The following ZNF516 variants were observed in gnomAD, a reference collection of about 807,000 sequenced individuals.
The protein encoded by ZNF516 is zinc finger protein 516.
A neutral mutation model predicts 79.7 loss-of-function variants in ZNF516; 19 were observed. The ratio of observed to expected loss-of-function variants is 0.24; its 90% CI spans 0.17 to 0.35. ZNF516 has a LOEUF of 0.35. ZNF516 is among the 10% of genes least tolerant of loss of function. The pLI is 1.00. For synonymous variants in ZNF516, 877 were observed against 739.5 expected, an observed-to-expected ratio of 1.19 and a Z score of -3.02; for missense variants, 1,678 against 1,679.5, an observed-to-expected ratio of 1.00 and a Z score of 0.02.
intron 1 of ZNF516, among the ~76,000 whole-genome samples, chr18:76,468,049 C>G (rs991089102): frequency 6.6e-6 from 1 of 152,208 alleles, no homozygotes; most frequent in Non-Finnish European, 1.5e-5. Flanking sequence ...CCCCAGCCAG[C>G]CCGTGCCTAT....
At chr18:76,471,650 C>A (rs73479079) in intron 1 of ZNF516, among the ~76,000 whole-genome samples, 5,349 of 152,296 alleles carry the variant, frequency 0.035, 314 homozygotes, top group African/African-American at 0.12. Context: ...GTCGGGGCCT[C>A]ACTAGATCCC....
intron 3 of ZNF516, among the ~76,000 whole-genome samples, chr18:76,390,316 A>C (rs887611928): frequency 6.6e-6 from 1 of 152,218 alleles, no homozygotes; most frequent in African/African-American, 2.4e-5. Context: ...CGAGCCATGT[A>C]TGTCTGTAAT....
chr18:76,424,384 C>G (rs1257899811), intron 3 of ZNF516, among the ~76,000 whole-genome samples: 2 of 62,592 alleles, frequency 3.2e-5, no homozygotes, highest in Admixed American at 3.4e-4. Flanking sequence ...TGAAAGGGTC[C>G]CCCCCGAAAC....
chr18:76,425,990 C>T (rs1038019583), intron 3 of ZNF516, among the ~76,000 whole-genome samples: 2 of 152,230 alleles, frequency 1.3e-5, no homozygotes, highest in African/African-American at 4.8e-5. Context: ...CATAAGACTG[C>T]CTTCATGTTG....
In ZNF516 at chr18:76,403,137, T is replaced by C. The variant is rs374645184; in HGVS notation, c.1811-22834A>G. ...TTCTCTGTAATTACCCATGTTTATC[T>C]ACCCTGCGTTTACTATACATAGGAA... On this transcript the variant is annotated intron_variant, in intron 3 of 6. Transcript: ENST00000443185. Among the ~76,000 whole-genome samples the C allele has an allele frequency of 6.6e-5, 10 of 152,362 alleles. No homozygotes were observed. The East Asian group carries it at 1.5e-3, about 24-fold the overall frequency.
intron 3 of ZNF516, among the ~76,000 whole-genome samples, chr18:76,418,882 A>G (rs1416293958): frequency 1.3e-5 from 2 of 152,266 alleles, no homozygotes; most frequent in African/African-American, 2.4e-5. Context: ...AAGCAAAGGA[A>G]TGGAAGCCTG....
intron 3 of ZNF516, among the ~76,000 whole-genome samples, chr18:76,434,213 CA>C (rs1171093602): frequency 6.6e-6 from 1 of 152,124 alleles, no homozygotes; most frequent in African/African-American, 2.4e-5. Flanking sequence ...ATGAAATCTA[CA>C]AAAAGGAACC....
Position 76,379,262 on chromosome 18 carries a change from T to G in ZNF516, c.2852A>C (p.Glu951Ala), listed in dbSNP as rs745622698. 6.2e-7 allele frequency: 1 copy of G among 1,612,466 alleles called. No homozygotes were observed. Among genetic ancestry groups the G allele is most frequent in the South Asian group, 1.1e-5 (1 of 91,074 alleles). ...AQPSANSKPV[E>A]KFGVPPAGAG... ...CCCCGCTGGGGGGACCCCAAACTTC[T>G]CCACAGGCTTGCTATTGGCCGAGGG... Residue 951 changes from glutamate to alanine, a missense_variant, in exon 4 of 7, where the codon GAG (glutamate) becomes GCG (alanine). Around this residue, in one of 5 missense-constraint regions of ZNF516, gnomAD observed 1,294 missense variants for 1,248.3 expected, o/e 1.04. Coordinates refer to ENST00000443185, the MANE Select transcript of ZNF516 (RefSeq NM_014643.4).
At chr18:76,410,021 G>A (rs187683159) in intron 3 of ZNF516, among the ~76,000 whole-genome samples, 22 of 152,160 alleles carry the variant, frequency 1.4e-4, no homozygotes, top group Non-Finnish European at 2.4e-4. Flanking sequence ...CTTGCCCACC[G>A]CCATGTAAGA....
At position 76,379,939 on chromosome 18, in the gene ZNF516, C is replaced by G; in HGVS notation, c.2175G>C (p.Ala725=). The change falls in exon 4 of 7, where the codon GCG becomes GCC. Residue 725 remains alanine (A), a synonymous_variant. Coordinates refer to ENST00000443185, the MANE Select transcript of ZNF516 (RefSeq NM_014643.4). ...NKEHSGGGKR[A]LAPDLMPLDL... is the part of the protein sequence containing the mutation. ...CTAGCGGCATGAGGTCTGGGGCCAG[C>G]GCCCGCTTCCCTCCCCCAGAGTGTT... 1 of 1,613,972 alleles carries G rather than the reference C, an allele frequency of 6.2e-7. No homozygotes were observed.
intron 3 of ZNF516, chr18:76,386,396 C>T (rs1211540138): frequency 1.3e-5 from 2 of 152,138 alleles, no homozygotes; most frequent in Admixed American, 6.5e-5. Context: ...GCAAGCATCA[C>T]ATTCGTCAGT....
upstream of ZNF516, chr18:76,496,337 C>G (rs887114597): frequency 7.8e-7 from 1 of 1,289,642 alleles, no homozygotes; most frequent in South Asian, 1.2e-5. Flanking sequence ...AGGTGGATTC[C>G]GTCCAAGACG....
chr18:76,384,597 C>T (rs1415449271), intron 3 of ZNF516, among the ~76,000 whole-genome samples: 1 of 148,186 alleles, frequency 6.7e-6, no homozygotes, highest in Non-Finnish European at 1.5e-5. Context: ...CTCCACAGCT[C>T]CCATCCCCCA....
At chr18:76,468,270 A>T (rs546706973) in intron 1 of ZNF516, among the ~76,000 whole-genome samples, 3 of 152,340 alleles carry the variant, frequency 2.0e-5, no homozygotes, top group South Asian at 2.1e-4. Context: ...TCTTTTAGTA[A>T]GAAAAACAAT....
chr18:76,429,270 C>T (rs1405407565), intron 3 of ZNF516, among the ~76,000 whole-genome samples: 2 of 152,222 alleles, frequency 1.3e-5, no homozygotes, highest in African/African-American at 4.8e-5. Context: ...TGGGGAGCAA[C>T]AATGGCACAT....
intron 1 of ZNF516, chr18:76,491,211 C>A (rs1275473344): frequency 4.7e-5 from 32 of 676,908 alleles, no homozygotes; most frequent in Non-Finnish European, 5.6e-5. Context: ...GCCGCGCGGA[C>A]CCCCGCCTGC....
intron 2 of ZNF516, among the ~76,000 whole-genome samples, chr18:76,458,632 T>A (rs1912881853): frequency 7.5e-6 from 1 of 132,884 alleles, no homozygotes; most frequent in Admixed American, 7.3e-5. Context: ...CCGTCGTGCG[T>A]GTGCATGCCT....
intron 1 of ZNF516, among the ~76,000 whole-genome samples, chr18:76,480,920 T>C (rs1016958188): frequency 1.3e-5 from 2 of 152,240 alleles, no homozygotes; most frequent in Non-Finnish European, 2.9e-5. Flanking sequence ...CAAGTGCCCA[T>C]GAAGTCCATC....
At chr18:76,401,288 C>A (rs1934258455) in intron 3 of ZNF516, among the ~76,000 whole-genome samples, 1 of 140,864 alleles carries the variant, frequency 7.1e-6, no homozygotes, top group African/African-American at 2.6e-5. Context: ...AAAAGAATTT[C>A]AAGCCCCAAT....
Sources: allele counts gnomAD v4.1 joint callset (sites outside exome capture counted in the v4.1 genomes callset), GRCh38; gene constraint gnomAD v4.1.1; regional missense constraint gnomAD v4.1.1; transcripts MANE v1.5; gene names NCBI Gene and HGNC (gene_info 2026-07-23, HGNC 2026-07-21).